SNAPC1: variants seen among roughly 807,000 people sequenced by gnomAD.
SNAPC1 encodes small nuclear RNA activating complex polypeptide 1, also known as snRNA-activating protein complex subunit 1.
SNAPC1 carries 42 observed loss-of-function variants against 50.1 expected under a neutral mutation model. That is an observed-to-expected ratio of 0.84 (90% CI 0.65 to 1.08). The LOEUF is 1.08. Ranked by LOEUF, SNAPC1 falls within the 50% of genes least tolerant of loss-of-function variation. The pLI is 0.00. For synonymous variants in SNAPC1, 164 were observed against 144.2 expected, an observed-to-expected ratio of 1.14 and a Z score of -0.98; for missense variants, 477 against 427.3, an observed-to-expected ratio of 1.12 and a Z score of -1.02.
chr14:61,780,335 C>T (rs1054791203), intron 7 of SNAPC1, among the ~76,000 whole-genome samples: 1 of 152,298 alleles, frequency 6.6e-6, no homozygotes, highest in South Asian at 2.1e-4. Flanking sequence ...CATCCTTTCT[C>T]GTTTAGCCTC....
intron 7 of SNAPC1, 45 bp downstream of exon 7, chr14:61,778,955 T>A (rs962876557): frequency 2.8e-6 from 3 of 1,053,522 alleles, no homozygotes; most frequent in African/African-American, 1.6e-5. Flanking sequence ...GACTGCTTTT[T>A]AAATTATATT....
intron 9 of SNAPC1, 81 bp from the exon 10 acceptor site, chr14:61,794,868 T>C (rs2045177296): frequency 1.1e-6 from 1 of 903,776 alleles, no homozygotes; most frequent in Non-Finnish European, 1.8e-6. Flanking sequence ...TTAGGTATTA[T>C]CATGTAAGTG....
rs748273435 is a variant in SNAPC1 at position 61,768,667 on chromosome 14, G to A, written c.461G>A (p.Arg154Gln). The change falls in exon 4 of 10, where the codon CGA becomes CAA. Residue 154 changes from arginine (R) to glutamine (Q), a missense_variant. Coordinates refer to ENST00000216294, the MANE Select transcript of SNAPC1 (RefSeq NM_003082.4). ...LSYRMKKKIH[R>Q]AEVTEEFKDP... is the part of the protein sequence containing the mutation. ...TATAGGATGAAGAAAAAAATTCACC[G>A]AGCTGAAGTTACAGAAGAATTTAAG... 1.3e-5 allele frequency: 21 copies of A among 1,609,928 alleles called. No homozygotes were observed. In the South Asian group the frequency reaches 1.9e-4, roughly 14 times the overall value.
Position 61,792,057 on chromosome 14 carries a change from C to T in SNAPC1, c.977-750C>T, listed in dbSNP as rs558041129. Among the ~76,000 whole-genome samples the T allele has an allele frequency of 5.3e-5, 8 of 149,786 alleles. No homozygotes were observed. In the South Asian group the frequency reaches 8.5e-4, roughly 16 times the overall value. ...GGCAGAGGTTGCAATGAGCCAAGATCGCGCCACTGCACTGCAGCCTGGGTG... is the reference window on the plus strand; with the variant it reads ...GGCAGAGGTTGCAATGAGCCAAGATTGCGCCACTGCACTGCAGCCTGGGTG... On this transcript the variant is annotated intron_variant, in intron 8 of 9. Transcript: ENST00000216294.
intron 1 of SNAPC1, among the ~76,000 whole-genome samples, chr14:61,763,657 T>A (rs570884078): frequency 7.2e-5 from 11 of 152,204 alleles, no homozygotes; most frequent in African/African-American, 2.6e-4. Context: ...GCTGTTCATG[T>A]TTTTTCCCCG....
intron 1 of SNAPC1, among the ~76,000 whole-genome samples, chr14:61,763,084 C>T (rs968290549): frequency 7.1e-6 from 1 of 140,586 alleles, no homozygotes; most frequent in African/African-American, 2.6e-5. Context: ...CTTCGCCTCT[C>T]AGGTTCAAGT....
chr14:61,768,602 A>T (rs2044965673), intron 3 of SNAPC1, 34 bp from the exon 4 acceptor site: 1 of 1,088,818 alleles, frequency 9.2e-7, no homozygotes, highest in Non-Finnish European at 1.4e-6. Context: ...TGTTTAAAAG[A>T]TACTCATTTA....
rs1458125713 is a variant in SNAPC1, at chr14:61,795,756, T to TAC, written c.*774_*775insCA. 112 of 152,186 alleles carry TAC rather than the reference T, an allele frequency of 7.4e-4. No homozygotes were observed. The highest frequency in any genetic ancestry group is 1.3e-3 in the Non-Finnish European group (88 of 67,994). 9.4% of individuals were successfully genotyped at this position (152,186 alleles called of 1,614,324 possible). ...TAGCTTCATGAATATGCCACTCTGT[T>TAC]AATTTCTTGTTCCAGACATTTTAAT... On this transcript the variant is annotated 3_prime_UTR_variant, in exon 10 of 10. Coordinates refer to ENST00000216294, the MANE Select transcript of SNAPC1 (RefSeq NM_003082.4).
At position 61,792,060 on chromosome 14, in the gene SNAPC1, G is replaced by A. The variant is rs540220272; in HGVS notation, c.977-747G>A. On this transcript the variant is annotated intron_variant, in intron 8 of 9. Coordinates refer to ENST00000216294, the MANE Select transcript of SNAPC1 (RefSeq NM_003082.4). ...AGAGGTTGCAATGAGCCAAGATCGC[G>A]CCACTGCACTGCAGCCTGGGTGACA... 1.5e-4 allele frequency among the ~76,000 whole-genome samples: 23 copies of A among 149,938 alleles called. No individual in the cohort carries two copies. In the East Asian group the frequency reaches 4.1e-3, roughly 27 times the overall value.
chr14:61,773,539 C>T lies in SNAPC1; in HGVS notation c.535-2556C>T, dbSNP rs554532497. Among the ~76,000 whole-genome samples the T allele has an allele frequency of 9.1e-4, 138 of 151,242 alleles. 1 individual carries two copies. The highest frequency in any genetic ancestry group is 3.2e-3 in the African/African-American group (131 of 41,228). On this transcript the variant is annotated intron_variant, in intron 4 of 9. Transcript: ENST00000216294. ...CCTGCTGAGTAGATGGGACCACAGG[C>T]GCCTGCCACCATGCCCAGCTAATTT...
At chr14:61,791,409 G>A (rs2045151575) in intron 8 of SNAPC1, among the ~76,000 whole-genome samples, 1 of 151,326 alleles carries the variant, frequency 6.6e-6, no homozygotes, top group Admixed American at 6.6e-5. Context: ...TATCATTTTT[G>A]TAATTATAAA....
Position 61,766,974 on chromosome 14 carries a change from T to G in SNAPC1, c.227T>G (p.Val76Gly), listed in dbSNP as rs148447482. Residue 76 changes from valine to glycine, a missense_variant, in exon 2 of 10, where the codon GTT becomes GGT. Physicochemically the swap from Val to Gly is moderately radical, Grantham distance 109. Transcript: ENST00000216294. ...FLPPYTFQIRVGALYLLYGLY... is the reference protein window; with the variant it reads ...FLPPYTFQIRGGALYLLYGLY... ...CCTCCATACACCTTCCAGATCAGAGTTGGTGCTTTGTATCTGCTATATGGA... is the reference window on the plus strand; with the variant it reads ...CCTCCATACACCTTCCAGATCAGAGGTGGTGCTTTGTATCTGCTATATGGA... 2 of 1,611,008 alleles carry G rather than the reference T, an allele frequency of 1.2e-6. No homozygotes were observed. The highest frequency in any genetic ancestry group is 1.7e-6 in the Non-Finnish European group (2 of 1,177,344).
At position 61,776,136 on chromosome 14, in the gene SNAPC1, T is replaced by C. The variant is rs756481893; in HGVS notation, c.576T>C (p.His192=). The C allele has an allele frequency of 1.2e-6, 2 of 1,607,008 alleles. No individual in the cohort carries two copies. The highest frequency in any genetic ancestry group is 8.5e-7 in the Non-Finnish European group (1 of 1,178,568). Residue 192 remains histidine (H), a synonymous_variant, in exon 5 of 10, where the codon CAT becomes CAC. Coordinates refer to ENST00000216294, the MANE Select transcript of SNAPC1 (RefSeq NM_003082.4). The part of the protein sequence containing the change: ...NVHDHYQNMK[H]VISVDKSKPD... ...ATGATCATTATCAGAACATGAAACATGTAATTTCAGTTGATAAGTCCAAGC... is the reference window on the plus strand; with the variant it reads ...ATGATCATTATCAGAACATGAAACACGTAATTTCAGTTGATAAGTCCAAGC...
chr14:61,792,923 A>G (rs780512537), intron 9 of SNAPC1, 21 bp downstream of exon 9: 11 of 1,349,298 alleles, frequency 8.2e-6, no homozygotes, highest in African/African-American at 1.5e-5. Flanking sequence ...AATTTGGTCA[A>G]ACTAGTCAAG....
At chr14:61,774,094 T>C (rs2045015943) in intron 4 of SNAPC1, among the ~76,000 whole-genome samples, 1 of 152,118 alleles carries the variant, frequency 6.6e-6, no homozygotes, top group African/African-American at 2.4e-5. Context: ...AGACACTATG[T>C]TTGAATGTCC....
rs773694010 is a variant in SNAPC1, at chr14:61,782,333, T to C, written c.912T>C (p.Thr304=). The change falls in exon 8 of 10, where the codon ACT becomes ACC. Residue 304 remains threonine, a synonymous_variant. Transcript: ENST00000216294. ...SASGQGQVKA[T]RKKEKKERLK... ...CTGGTCAAGGGCAAGTCAAAGCAAC[T>C]AGGAAAAAAGAGAAGAAAGAAAGAT... is the stretch of plus-strand genomic sequence containing the variant. 8.7e-5 allele frequency: 140 copies of C among 1,612,682 alleles called. 1 individual carries two copies. In the South Asian group the frequency reaches 1.0e-3, roughly 12 times the overall value.
intron 4 of SNAPC1, among the ~76,000 whole-genome samples, chr14:61,772,537 C>T (rs2044999700): frequency 6.6e-6 from 1 of 152,104 alleles, no homozygotes. Context: ...ATCACTACGC[C>T]TGGCCCATGC....
chr14:61,774,648 A>ATTTTTTTTT (rs35300490), intron 4 of SNAPC1, among the ~76,000 whole-genome samples: 7 of 90,962 alleles, frequency 7.7e-5, no homozygotes, highest in Non-Finnish European at 1.1e-4. Flanking sequence ...TCAGTTTCTC[A>ATTTTTTTTT]TTTTTTTTTT....
intron 5 of SNAPC1, 28 bp downstream of exon 5, chr14:61,776,281 C>A: frequency 6.3e-7 from 1 of 1,587,586 alleles, no homozygotes; most frequent in East Asian, 2.2e-5. Context: ...TGGTGCCTCA[C>A]CATTGTATTT....
Sources: allele counts gnomAD v4.1 joint callset (sites outside exome capture counted in the v4.1 genomes callset), GRCh38; gene constraint gnomAD v4.1.1; transcripts MANE v1.5; gene names NCBI Gene and HGNC (gene_info 2026-07-23, HGNC 2026-07-21).